COMMD10: variants seen among roughly 807,000 people sequenced by gnomAD.
COMMD10 encodes COMM domain containing 10.
A neutral mutation model predicts 28.9 loss-of-function variants in COMMD10; 33 were observed. The ratio of observed to expected loss-of-function variants is 1.14; its 90% confidence interval spans 0.87 to 1.53. COMMD10 has a LOEUF of 1.53. Ranked by LOEUF, COMMD10 falls within the 40% of genes most tolerant of loss-of-function variation. The pLI is 0.00. For missense variants in COMMD10, 310 were observed against 233.4 expected (o/e 1.33, Z -2.14); for synonymous variants, 110 against 81.7 (o/e 1.35, Z -1.87).
At chr5:116,253,946 A>G (rs1750200649) in intron 5 of COMMD10, among the ~76,000 whole-genome samples, 1 of 151,970 alleles carries the variant, frequency 6.6e-6, no homozygotes, top group Admixed American at 6.6e-5. Context: ...CTTGGTTGGT[A>G]AGCTATTGAT....
chr5:116,159,199 A>G (rs905160150), intron 5 of COMMD10, among the ~76,000 whole-genome samples: 1 of 152,216 alleles, frequency 6.6e-6, no homozygotes, highest in African/African-American at 2.4e-5. Flanking sequence ...AAGGCCTGTA[A>G]GAACCCACAT....
chr5:116,110,369 A>G (rs557497023), intron 4 of COMMD10, among the ~76,000 whole-genome samples: 1 of 152,122 alleles, frequency 6.6e-6, no homozygotes, highest in African/African-American at 2.4e-5. Context: ...TGGTATTGGG[A>G]TGATACTGGA....
At chr5:116,085,510 G>A (rs1245471595) in intron 1 of COMMD10, 1 of 199,956 alleles carries the variant, frequency 5.0e-6, no homozygotes, top group Non-Finnish European at 1.0e-5. Flanking sequence ...TGCTGCTGGA[G>A]GGTCTTTAAT....
chr5:116,114,984 G>T (rs1751182516), intron 4 of COMMD10, among the ~76,000 whole-genome samples: 1 of 152,080 alleles, frequency 6.6e-6, no homozygotes, highest in South Asian at 2.1e-4. Context: ...CCTGGTTGCA[G>T]AATCCCATTT....
chr5:116,160,075 C>A lies in COMMD10; in HGVS notation c.510+25897C>A, dbSNP rs112574668. On this transcript the variant is annotated intron_variant, in intron 5 of 6. Transcript: ENST00000274458. Reference sequence around the variant, plus strand: ...ATAAATGGTAGTGAATTATAGAGGTCCATTTCAAGTGCAGTGGGATAGCAA... The same window carrying A: ...ATAAATGGTAGTGAATTATAGAGGTACATTTCAAGTGCAGTGGGATAGCAA... Among the ~76,000 whole-genome samples the A allele has an allele frequency of 5.9e-3, 904 of 152,220 alleles. 9 individuals carry two copies. Among genetic ancestry groups the A allele is most frequent in the African/African-American group, 0.021 (873 of 41,540 alleles).
chr5:116,162,682 G>A (rs528450550), intron 5 of COMMD10, among the ~76,000 whole-genome samples: 7 of 152,232 alleles, frequency 4.6e-5, no homozygotes, highest in African/African-American at 1.4e-4. Context: ...TAGCAACAAA[G>A]GTGTGTACTT....
At chr5:116,183,843 AG>A (rs1387217907) in intron 5 of COMMD10, among the ~76,000 whole-genome samples, 2 of 152,144 alleles carry the variant, frequency 1.3e-5, no homozygotes, top group Non-Finnish European at 2.9e-5. Flanking sequence ...ATATGGTGGC[AG>A]GCTATACGTG....
intron 5 of COMMD10, among the ~76,000 whole-genome samples, chr5:116,193,548 C>T (rs1748428599): frequency 6.6e-6 from 1 of 152,134 alleles, no homozygotes; most frequent in Non-Finnish European, 1.5e-5. Flanking sequence ...ACAAAACAAA[C>T]TTTAAAGCAA....
intron 5 of COMMD10, among the ~76,000 whole-genome samples, chr5:116,276,455 C>CA (rs1214161363): frequency 2.6e-5 from 4 of 151,586 alleles, no homozygotes; most frequent in Non-Finnish European, 5.9e-5. Flanking sequence ...AGGTTGGTCT[C>CA]AAATTCCTGA....
In COMMD10 at chr5:116,099,258, T is replaced by C. The variant is rs143942853; in HGVS notation, c.399+6558T>C. 1.8e-4 allele frequency among the ~76,000 whole-genome samples: 27 copies of C among 152,324 alleles called. 1 individual carries two copies. The East Asian group carries it at 5.0e-3, about 28-fold the overall frequency. ...TGTGCCTGGCTTATTTCACTTAGCA[T>C]AACACCCTCCAGGTTCATCCATTTT... is the stretch of plus-strand genomic sequence containing the variant. On this transcript the variant is annotated intron_variant, in intron 4 of 6. Coordinates refer to ENST00000274458, the MANE Select transcript of COMMD10 (RefSeq NM_016144.4).
intron 5 of COMMD10, among the ~76,000 whole-genome samples, chr5:116,231,770 TAA>T (rs1749535625): frequency 6.6e-6 from 1 of 152,166 alleles, no homozygotes; most frequent in Non-Finnish European, 1.5e-5. Context: ...ATTGGCTACT[TAA>T]AAGTCTTTAA....
At chr5:116,292,316 G>C (rs1751385389) in intron 6 of COMMD10, 135 bp from the exon 7 acceptor site, 1 of 454,616 alleles carries the variant, frequency 2.2e-6, no homozygotes, top group South Asian at 7.1e-5. Context: ...TAATTTTATT[G>C]CTATGTGAAT....
chr5:116,242,296 A>G (rs1339535973), intron 5 of COMMD10, among the ~76,000 whole-genome samples: 2 of 152,222 alleles, frequency 1.3e-5, no homozygotes, highest in African/African-American at 2.4e-5. Flanking sequence ...GTATGATGAT[A>G]TGGTAGACAA....
chr5:116,102,851 TC>T (rs1312518997), intron 4 of COMMD10, among the ~76,000 whole-genome samples: 1 of 151,966 alleles, frequency 6.6e-6, no homozygotes, highest in East Asian at 1.9e-4. Flanking sequence ...AGTGTGTGAT[TC>T]CCCCACCCCT....
chr5:116,173,576 A>G (rs901786013), intron 5 of COMMD10, among the ~76,000 whole-genome samples: 2 of 152,146 alleles, frequency 1.3e-5, no homozygotes, highest in Admixed American at 6.6e-5. Flanking sequence ...TCTATAATGA[A>G]GTACTTAGTG....
At chr5:116,154,371 A>G (rs1752636150) in intron 5 of COMMD10, among the ~76,000 whole-genome samples, 1 of 152,176 alleles carries the variant, frequency 6.6e-6, no homozygotes, top group Non-Finnish European at 1.5e-5. Flanking sequence ...TAGTGATGTC[A>G]AAAGTTATAG....
At chr5:116,163,981 G>A (rs1753008596) in intron 5 of COMMD10, among the ~76,000 whole-genome samples, 1 of 152,038 alleles carries the variant, frequency 6.6e-6, no homozygotes. Context: ...ATCTACAAAG[G>A]GGTGATGGAA....
chr5:116,175,807 G>T (rs951059193), intron 5 of COMMD10, among the ~76,000 whole-genome samples: 1 of 152,106 alleles, frequency 6.6e-6, no homozygotes, highest in Admixed American at 6.5e-5. Flanking sequence ...TATTTTATGA[G>T]GTACATAGAG....
At chr5:116,184,221 T>TC (rs1299548122) in intron 5 of COMMD10, among the ~76,000 whole-genome samples, 1 of 59,936 alleles carries the variant, frequency 1.7e-5, no homozygotes, top group East Asian at 3.8e-4. Context: ...TCTGTCTCTC[T>TC]TTTTTTTTTT....
Sources: gnomAD v4.1 joint callset for allele counts (sites outside exome capture counted in the v4.1 genomes callset) on GRCh38, gnomAD v4.1.1 for gene constraint, MANE v1.5 for transcripts, NCBI Gene and HGNC (gene_info 2026-07-23, HGNC 2026-07-21) for gene names.